The following GALNTL6 variants were observed in gnomAD, a reference collection of about 807,000 sequenced individuals.
The protein encoded by GALNTL6 is polypeptide N-acetylgalactosaminyltransferase like 6.
GALNTL6 carries 46 observed loss-of-function variants against 73.7 expected under a neutral mutation model. The observed-to-expected ratio is 0.62, with a 90% CI of 0.49 to 0.80. The LOEUF (loss-of-function observed/expected upper bound fraction) is 0.80. Ranked by LOEUF, GALNTL6 falls within the 30% of genes least tolerant of loss-of-function variation. GALNTL6 has a pLI of 0.00. For synonymous variants in GALNTL6, 259 were observed against 263.7 expected, an observed-to-expected ratio of 0.98 and a Z score of 0.17; for missense variants, 604 against 755.0, an observed-to-expected ratio of 0.80 and a Z score of 2.34.
intron 5 of GALNTL6, among the ~76,000 whole-genome samples, chr4:172,486,750 C>G (rs1733683694): frequency 1.3e-5 from 2 of 152,198 alleles, no homozygotes; most frequent in African/African-American, 4.8e-5. Flanking sequence ...CTTCTGCTTT[C>G]CTGTTGAGAA....
intron 2 of GALNTL6, among the ~76,000 whole-genome samples, chr4:171,865,399 A>G (rs946799019): frequency 4.6e-5 from 7 of 152,206 alleles, no homozygotes; most frequent in Non-Finnish European, 8.8e-5. Flanking sequence ...CTTCGATTGT[A>G]GAGGAACTAA....
intron 7 of GALNTL6, among the ~76,000 whole-genome samples, chr4:172,821,953 G>A (rs1238027738): frequency 6.6e-6 from 1 of 152,076 alleles, no homozygotes; most frequent in African/African-American, 2.4e-5. Flanking sequence ...TGGCTGCCCT[G>A]AGCCCCCAGT....
intron 5 of GALNTL6, among the ~76,000 whole-genome samples, chr4:172,709,236 C>T (rs1734546069): frequency 2.0e-5 from 3 of 152,242 alleles, no homozygotes; most frequent in East Asian, 3.9e-4. Context: ...TTCTCCCTCT[C>T]CCCTCCAAGC....
chr4:172,210,985 G>A (rs1736305042), intron 2 of GALNTL6, among the ~76,000 whole-genome samples: 1 of 152,058 alleles, frequency 6.6e-6, no homozygotes, highest in Non-Finnish European at 1.5e-5. Context: ...TCAATAAGTT[G>A]TTGTTCCATA....
chr4:172,772,648 T>G (rs1017107828), intron 5 of GALNTL6, among the ~76,000 whole-genome samples: 1 of 152,132 alleles, frequency 6.6e-6, no homozygotes, highest in Non-Finnish European at 1.5e-5. Context: ...CTCAAGATTG[T>G]TTTAACTGTT....
At position 172,976,452 on chromosome 4, in the gene GALNTL6, C is replaced by A. The variant is rs149408790; in HGVS notation, c.1371+24194C>A. Among the ~76,000 whole-genome samples the A allele has an allele frequency of 3.0e-3, 464 of 152,314 alleles. 3 individuals are homozygous for A. Among genetic ancestry groups the A allele is most frequent in the African/African-American group, 0.011 (444 of 41,562 alleles). On this transcript the variant is annotated intron_variant, in intron 10 of 12. Transcript: ENST00000506823. ...TGAAATTCACATAAGTATATCCCTG[C>A]AGGGGTACTCAGCTGCATGCCCAGA...
At chr4:172,539,908 A>T (rs74857705) in intron 5 of GALNTL6, among the ~76,000 whole-genome samples, 1,689 of 99,388 alleles carry the variant, frequency 0.017, 14 homozygotes, top group African/African-American at 0.03. Context: ...TATATATATA[A>T]AAAATCTCAT....
intron 2 of GALNTL6, among the ~76,000 whole-genome samples, chr4:171,852,692 G>A (rs894934438): frequency 6.6e-5 from 10 of 152,118 alleles, no homozygotes; most frequent in Non-Finnish European, 1.5e-4. Flanking sequence ...ATTGCCACCT[G>A]TCAGTGATAT....
intron 5 of GALNTL6, among the ~76,000 whole-genome samples, chr4:172,442,585 A>G (rs2111403700): frequency 6.6e-6 from 1 of 152,280 alleles, no homozygotes; most frequent in East Asian, 1.9e-4. Context: ...AAACTCAACA[A>G]GAAAGGACAA....
At chr4:171,910,394 A>T (rs1578963465) in intron 2 of GALNTL6, among the ~76,000 whole-genome samples, 1 of 152,288 alleles carries the variant, frequency 6.6e-6, no homozygotes, top group African/African-American at 2.4e-5. Context: ...GATAAAAAAA[A>T]GACCCAAAAC....
intron 5 of GALNTL6, among the ~76,000 whole-genome samples, chr4:172,366,156 C>A (rs1267878711): frequency 6.6e-6 from 1 of 151,976 alleles, no homozygotes; most frequent in Non-Finnish European, 1.5e-5. Flanking sequence ...ATAGTTTTTG[C>A]AGTTTATCAA....
intron 2 of GALNTL6, among the ~76,000 whole-genome samples, chr4:172,010,967 T>C (rs1295609064): frequency 6.6e-6 from 1 of 152,044 alleles, no homozygotes; most frequent in Non-Finnish European, 1.5e-5. Flanking sequence ...AACAAAATTA[T>C]GAAAAATTTG....
intron 5 of GALNTL6, among the ~76,000 whole-genome samples, chr4:172,364,713 G>T (rs1156423285): frequency 6.6e-6 from 1 of 152,184 alleles, no homozygotes; most frequent in Non-Finnish European, 1.5e-5. Flanking sequence ...TAAACAAAGA[G>T]TGTGTAGAGG....
intron 5 of GALNTL6, among the ~76,000 whole-genome samples, chr4:172,581,156 A>G (rs1737170327): frequency 6.6e-6 from 1 of 152,252 alleles, no homozygotes; most frequent in Non-Finnish European, 1.5e-5. Flanking sequence ...ACAGAAATGG[A>G]CATTGGATTC....
chr4:172,375,143 A>C (rs907443734), intron 5 of GALNTL6, among the ~76,000 whole-genome samples: 5 of 152,172 alleles, frequency 3.3e-5, no homozygotes, highest in African/African-American at 1.2e-4. Context: ...TATGGGGATA[A>C]GCTGAGAGGT....
At chr4:172,300,278 TG>T (rs1739860675) in intron 3 of GALNTL6, among the ~76,000 whole-genome samples, 2 of 152,188 alleles carry the variant, frequency 1.3e-5, no homozygotes, top group Admixed American at 1.3e-4. Context: ...GCATGTGAGA[TG>T]GGTTTCCTGA....
rs138338158 is a variant in GALNTL6 at position 171,827,600 on chromosome 4, G to A, written c.138+12882G>A. Among the ~76,000 whole-genome samples the A allele has an allele frequency of 2.2e-3, 340 of 152,204 alleles. 1 individual carries two copies. The highest frequency in any genetic ancestry group is 7.9e-3 in the African/African-American group (329 of 41,520). The stretch of plus-strand genomic sequence containing the variant: ...CCTTACGATATGAACCACATATGAA[G>A]CTAAAATCTAGAAACAGATATTTGA... On this transcript the variant is annotated intron_variant, in intron 2 of 12. Transcript: ENST00000506823.
intron 5 of GALNTL6, among the ~76,000 whole-genome samples, chr4:172,533,583 A>C (rs973080581): frequency 6.6e-6 from 1 of 152,184 alleles, no homozygotes; most frequent in Admixed American, 6.5e-5. Context: ...TCAGCCTCCA[A>C]GTGTGCTGGG....
rs1352739961 is a variant in GALNTL6 at position 172,809,798 on chromosome 4, T to A, written c.739+252T>A. Among the ~76,000 whole-genome samples, 1 of 151,940 alleles carries A rather than the reference T, an allele frequency of 6.6e-6. No homozygotes were observed. The highest frequency in any genetic ancestry group is 1.5e-5 in the Non-Finnish European group (1 of 68,010). On this transcript the variant is annotated intron_variant, in intron 6 of 12. Transcript: ENST00000506823. This position sits in a 1 kb window ranked among gnomAD's most constrained non-coding sequence, Gnocchi z 4.4. ...AATCTAACTTACAGTTTAGAAAAGG[T>A]TTCATTTATCTTAGATATCCTCCTT...
Sources: allele counts gnomAD v4.1 joint callset (sites outside exome capture counted in the v4.1 genomes callset), GRCh38; gene constraint gnomAD v4.1.1; non-coding constraint Gnocchi (gnomAD v3.1); transcripts MANE v1.5; gene names NCBI Gene and HGNC (gene_info 2026-07-23, HGNC 2026-07-21).